The following ANKRD27 variants were observed in gnomAD, a reference collection of about 807,000 sequenced individuals.
The protein encoded by ANKRD27 is ankyrin repeat domain-containing protein 27.
In ANKRD27, 112 loss-of-function variants were observed where a neutral mutation model predicts 129.7. The observed-to-expected ratio is 0.86, with a 90% CI of 0.74 to 1.01. ANKRD27 has a LOEUF of 1.01. ANKRD27 is among the 50% of genes least tolerant of loss of function. The pLI is 0.00. For synonymous variants in ANKRD27, 516 were observed against 511.2 expected, an observed-to-expected ratio of 1.01 and a Z score of -0.13; for missense variants, 1,258 against 1,300.5, an observed-to-expected ratio of 0.97 and a Z score of 0.50.
intron 1 of ANKRD27, among the ~76,000 whole-genome samples, chr19:32,665,728 G>A (rs1967741136): frequency 6.6e-6 from 1 of 151,500 alleles, no homozygotes; most frequent in Non-Finnish European, 1.5e-5. Context: ...CAAAGTGCTG[G>A]GATTACAGGC....
chr19:32,605,695 G>A (rs1971722003), intron 24 of ANKRD27, 140 bp downstream of exon 24: 14 of 1,160,346 alleles, frequency 1.2e-5, no homozygotes, highest in Non-Finnish European at 1.6e-5. Flanking sequence ...GAAGACGCAC[G>A]CCCTGCTCCT....
intron 10 of ANKRD27, among the ~76,000 whole-genome samples, chr19:32,641,767 CTTTT>C (rs757141453): frequency 4.7e-5 from 1 of 21,192 alleles, no homozygotes. Flanking sequence ...TTTACTTCTT[CTTTT>C]TTTTTTTTTT....
intron 2 of ANKRD27, 97 bp from the exon 3 acceptor site, chr19:32,649,889 C>G (rs577344352): frequency 2.4e-5 from 19 of 807,190 alleles, no homozygotes; most frequent in African/African-American, 5.0e-5. Flanking sequence ...GGACACACAG[C>G]GGGACCTGCT....
At chr19:32,632,398 CA>C (rs1967011016) in intron 12 of ANKRD27, among the ~76,000 whole-genome samples, 1 of 151,908 alleles carries the variant, frequency 6.6e-6, no homozygotes, top group Non-Finnish European at 1.5e-5. Context: ...CCAGCCTGGC[CA>C]ACATGGTGAA....
rs535574771 is a variant in ANKRD27 at position 32,656,103 on chromosome 19, G to GAAAGAAAAGAAAAGAAAAGAAAAGA, written c.102+2786_102+2810dup. On this transcript the variant is annotated intron_variant, in intron 2 of 28. Coordinates refer to ENST00000306065, the MANE Select transcript of ANKRD27 (RefSeq NM_032139.3). ...AGAAAGAAAGAAAGAAAGAAAGAAA[G>GAAAGAAAAGAAAAGAAAAGAAAAGA]AAAGAAAAGAAAAGAAAAGAAAAGA... 4.8e-5 allele frequency among the ~76,000 whole-genome samples: 6 copies of GAAAGAAAAGAAAAGAAAAGAAAAGA among 123,748 alleles called. 1 individual carries two copies. Among genetic ancestry groups the GAAAGAAAAGAAAAGAAAAGAAAAGA allele is most frequent in the Admixed American group, 2.6e-4 (3 of 11,760 alleles). The allele number at this position is 123,748 out of a possible 152,430, so 81.2% of individuals were successfully genotyped here. A position where few individuals can be genotyped will look rare whatever the true frequency, so the allele number is the denominator to read the frequency against.
intron 12 of ANKRD27, among the ~76,000 whole-genome samples, chr19:32,631,711 G>C (rs573387556): frequency 6.6e-6 from 1 of 152,342 alleles, no homozygotes; most frequent in Admixed American, 6.5e-5. Context: ...TCCCTGTGGG[G>C]GATGGGGATG....
At chr19:32,639,671 T>C (rs1039707060) in intron 11 of ANKRD27, among the ~76,000 whole-genome samples, 183 bp from the exon 12 acceptor site, 1 of 152,172 alleles carries the variant, frequency 6.6e-6, no homozygotes, top group Non-Finnish European at 1.5e-5. Context: ...GTAAAATGAC[T>C]AGCTAGTTCC....
intron 2 of ANKRD27, among the ~76,000 whole-genome samples, chr19:32,651,442 T>G (rs1967414535): frequency 6.6e-6 from 1 of 152,078 alleles, no homozygotes; most frequent in Non-Finnish European, 1.5e-5. Flanking sequence ...TGATCTCGGC[T>G]CACTGCAAGT....
In ANKRD27 at chr19:32,640,372, G is replaced by C. The variant is rs772505202; in HGVS notation, c.918C>G (p.Thr306=). 15 of 1,613,734 alleles carry C rather than the reference G, an allele frequency of 9.3e-6. No individual in the cohort carries two copies. In the African/African-American group the frequency reaches 9.3e-5, roughly 10 times the overall value. Residue 306 remains threonine, a synonymous_variant, in exon 11 of 29, where the codon ACC becomes ACG. Transcript: ENST00000306065. ...QSPSQRVNLE[T]MCADDLLSVL... ...CTGATAGCAGATCATCAGCACACAT[G>C]GTCTCCAGGTTCACTGCAAAGGGGA...
chr19:32,609,286 C>T (rs1277927663), intron 22 of ANKRD27, among the ~76,000 whole-genome samples: 1 of 149,592 alleles, frequency 6.7e-6, no homozygotes, highest in East Asian at 1.9e-4. Flanking sequence ...TAGGTGTTTA[C>T]CCAACAACGT....
chr19:32,628,394 T>C (rs531812367), intron 14 of ANKRD27, among the ~76,000 whole-genome samples: 1 of 152,142 alleles, frequency 6.6e-6, no homozygotes, highest in Admixed American at 6.5e-5. Context: ...CCCAGCAAAA[T>C]AGCCTGACAA....
chr19:32,658,128 G>C (rs1412781123), intron 2 of ANKRD27, among the ~76,000 whole-genome samples: 2 of 152,114 alleles, frequency 1.3e-5, no homozygotes. Context: ...TCGCCCCACG[G>C]GATAAGAGAA....
intron 12 of ANKRD27, chr19:32,637,334 T>C (rs1967109604): frequency 6.6e-6 from 1 of 152,224 alleles, no homozygotes; most frequent in Non-Finnish European, 1.5e-5. Context: ...TGATCACATT[T>C]TACTCATTGG....
chr19:32,598,268 CTG>C lies in ANKRD27; in HGVS notation c.3028_3029del (p.Gln1010AspfsTer36), dbSNP rs771085324. 5.0e-6 allele frequency: 8 copies of C among 1,614,196 alleles called. No homozygotes were observed. The Admixed American group carries it at 8.3e-5, about 17-fold the overall frequency. On this transcript the variant is annotated frameshift_variant, in exon 29 of 29. Transcript: ENST00000306065. LOFTEE classifies it low-confidence loss of function (END_TRUNC). The part of the protein sequence containing the change: ...SDWPERPGLT[Q>X]TGPGHRRMLR... ...GCATCCGTCTGTGTCCAGGGCCAGT[CTG>C]TGTCAGTCCAGGCCTCTCTGGCCAG...
rs570141795 is a variant in ANKRD27 at position 32,673,389 on chromosome 19, T to C, written c.-31+1682A>G. On this transcript the variant is annotated intron_variant, in intron 1 of 28. Coordinates refer to ENST00000306065, the MANE Select transcript of ANKRD27 (RefSeq NM_032139.3). ...CTGCCCCCTGGATTTCACTCACGCCTGTCCACCAGCAACACAACAAAGCGA... is the reference window on the plus strand; with the variant it reads ...CTGCCCCCTGGATTTCACTCACGCCCGTCCACCAGCAACACAACAAAGCGA... The C allele has an allele frequency of 2.8e-5, 28 of 985,390 alleles. No homozygotes were observed. The South Asian group carries it at 1.3e-3, about 46-fold the overall frequency. The allele number at this position is 985,390 out of a possible 1,614,324, so 61.0% of individuals were successfully genotyped here. A position where few individuals can be genotyped will look rare whatever the true frequency, so the allele number is the denominator to read the frequency against.
chr19:32,641,491 A>G (rs1427922554), intron 10 of ANKRD27, among the ~76,000 whole-genome samples: 1 of 152,146 alleles, frequency 6.6e-6, no homozygotes, highest in African/African-American at 2.4e-5. Context: ...AATACAAAAG[A>G]GCAAACTGTG....
chr19:32,629,164 A>T (rs753021679), intron 13 of ANKRD27, among the ~76,000 whole-genome samples: 6 of 152,060 alleles, frequency 3.9e-5, no homozygotes, highest in Non-Finnish European at 7.4e-5. Flanking sequence ...CAAGTGATCC[A>T]CCCATCTCGG....
chr19:32,632,045 T>G (rs1967002944), intron 12 of ANKRD27, among the ~76,000 whole-genome samples: 1 of 152,088 alleles, frequency 6.6e-6, no homozygotes, highest in Non-Finnish European at 1.5e-5. Flanking sequence ...TCCCAGCACT[T>G]TGGGAGGCTG....
intron 28 of ANKRD27, 152 bp downstream of exon 28, chr19:32,599,552 C>G: frequency 1.5e-6 from 1 of 665,892 alleles, no homozygotes; most frequent in South Asian, 1.9e-5. Flanking sequence ...TCTACACTGT[C>G]CCATGAAATA....
Sources: allele counts gnomAD v4.1 joint callset (sites outside exome capture counted in the v4.1 genomes callset), GRCh38; gene constraint gnomAD v4.1.1; transcripts MANE v1.5; gene names NCBI Gene and HGNC (gene_info 2026-07-23, HGNC 2026-07-21).